The following HSP90B1 variants were observed in gnomAD, a reference collection of about 807,000 sequenced individuals.
HSP90B1 encodes endoplasmin.
In HSP90B1, 27 loss-of-function variants were observed where a neutral mutation model predicts 100.4. The observed-to-expected ratio is 0.27, with a 90% CI of 0.20 to 0.37. HSP90B1 has a LOEUF of 0.37. Ranked by LOEUF, HSP90B1 falls within the 10% of genes least tolerant of loss-of-function variation. The pLI is 1.00. For synonymous variants in HSP90B1, 304 were observed against 330.8 expected, an observed-to-expected ratio of 0.92 and a Z score of 0.88; for missense variants, 678 against 960.5, an observed-to-expected ratio of 0.71 and a Z score of 3.89.
chr12:103,938,501 T>G (rs942259361), intron 7 of HSP90B1, 42 bp downstream of exon 7: 4 of 1,579,984 alleles, frequency 2.5e-6, no homozygotes, highest in Non-Finnish European at 3.4e-6. Flanking sequence ...TTGTTTAACA[T>G]GTATAGGCAA....
At chr12:103,944,433 T>C (rs1426820961) in intron 14 of HSP90B1, among the ~76,000 whole-genome samples, 2 of 152,230 alleles carry the variant, frequency 1.3e-5, no homozygotes, top group African/African-American at 4.8e-5. Context: ...TATGTTTTAA[T>C]GTCACAGCAA....
At chr12:103,934,990 C>T (rs986815633) in intron 5 of HSP90B1, among the ~76,000 whole-genome samples, 13 of 152,182 alleles carry the variant, frequency 8.5e-5, no homozygotes, top group South Asian at 2.1e-4. Flanking sequence ...CATGAGCTAC[C>T]GTGCCCAGCC....
rs1347391453 is a variant in HSP90B1 at position 103,941,563 on chromosome 12, G to A, written c.1230+16G>A. The A allele has an allele frequency of 1.2e-6, 2 of 1,614,008 alleles. No homozygotes were observed. The highest frequency in any genetic ancestry group is 1.1e-5 in the South Asian group (1 of 91,072). On this transcript the variant is annotated intron_variant, in intron 9 of 17. Coordinates refer to ENST00000299767, the MANE Select transcript of HSP90B1 (RefSeq NM_003299.3). ...TTACATTAAGGTGAGTTTTTAAGTA[G>A]TACATGCTGCGTTTAAAATTTGAAA...
At position 103,947,360 on chromosome 12, in the gene HSP90B1, C is replaced by T. The variant is rs781442255; in HGVS notation, c.2312C>T (p.Thr771Ile). Residue 771 changes from threonine to isoleucine, a missense_variant, in exon 17 of 18, where the codon ACA becomes ATA. Transcript: ENST00000299767. The stretch of plus-strand genomic sequence containing the variant: ...CCTGAAGAGACAGCAGAAGACACAA[C>T]AGAAGACACAGAGCAAGACGAAGAT... ...EEPEETAEDT[T>I]EDTEQDEDEE... 3.1e-6 allele frequency: 5 copies of T among 1,606,594 alleles called. No individual in the cohort carries two copies. The highest frequency in any genetic ancestry group is 4.3e-6 in the Non-Finnish European group (5 of 1,173,788).
At chr12:103,939,867 T>C (rs934925564) in intron 8 of HSP90B1, among the ~76,000 whole-genome samples, 5 of 152,206 alleles carry the variant, frequency 3.3e-5, no homozygotes, top group Non-Finnish European at 7.4e-5. Context: ...TCAGTAGAGA[T>C]GGTCTTTGAG....
chr12:103,943,873 A>G lies in HSP90B1; in HGVS notation c.2026A>G (p.Asn676Asp), dbSNP rs1870150251. 1 of 1,612,604 alleles carries G rather than the reference A, an allele frequency of 6.2e-7. No individual in the cohort carries two copies. The highest frequency in any genetic ancestry group is 8.5e-7 in the Non-Finnish European group (1 of 1,179,416). ...AYQTGKDISTNYYASQKKTFE... is the reference protein window; with the variant it reads ...AYQTGKDISTDYYASQKKTFE... ...CCAAACGGGCAAGGACATCTCTACAAAGTAAGCATCCTCGGGAAAGTCCCT... is the reference window on the plus strand; with the variant it reads ...CCAAACGGGCAAGGACATCTCTACAGAGTAAGCATCCTCGGGAAAGTCCCT... Residue 676 changes from asparagine (N) to aspartate (D), a missense_variant and splice_region_variant, in exon 14 of 18, where the codon AAT (asparagine) becomes GAT (aspartate). Physicochemically the swap from Asn to Asp is conservative, Grantham distance 23 (BLOSUM62 1). This residue lies in a region of HSP90B1 where 64 missense variants were observed against 66.4 expected (regional missense o/e 0.96). Coordinates refer to ENST00000299767, the MANE Select transcript of HSP90B1 (RefSeq NM_003299.3). This position sits in a 1 kb window ranked among gnomAD's most constrained non-coding sequence, Gnocchi z 5.3.
rs1870114627 is a variant in HSP90B1 at position 103,942,749 on chromosome 12, G to A, written c.1597G>A (p.Glu533Lys). The change falls in exon 12 of 18, where the codon GAA (glutamate) becomes AAA (lysine). Residue 533 changes from glutamate to lysine, a missense_variant. Around this residue, in one of 8 missense-constraint regions of HSP90B1, gnomAD observed 170 missense variants for 236.7 expected, o/e 0.72. Coordinates refer to ENST00000299767, the MANE Select transcript of HSP90B1 (RefSeq NM_003299.3). ...SLDQYVERMK[E>K]KQDKIYFMAG... Reference sequence around the variant, plus strand: ...AGACCAGTATGTGGAAAGAATGAAGGAAAAACAAGACAAAATCTACTTCAT... The same window carrying A: ...AGACCAGTATGTGGAAAGAATGAAGAAAAAACAAGACAAAATCTACTTCAT... 3.7e-6 allele frequency: 6 copies of A among 1,613,832 alleles called. No individual in the cohort carries two copies. The highest frequency in any genetic ancestry group is 1.7e-4 in the Middle Eastern group (1 of 6,056).
chr12:103,946,432 C>T (rs1271527666), intron 14 of HSP90B1, among the ~76,000 whole-genome samples, 186 bp from the exon 15 acceptor site: 3 of 147,040 alleles, frequency 2.0e-5, no homozygotes, highest in Admixed American at 7.0e-5. Context: ...ATACGGAGGG[C>T]GGACTGTATT....
rs1373806102 is a variant in HSP90B1 at position 103,930,555 on chromosome 12, C to T, written c.40C>T (p.Leu14=). The T allele has an allele frequency of 2.5e-6, 4 of 1,609,986 alleles. No individual in the cohort carries two copies. Among genetic ancestry groups the T allele is most frequent in the Non-Finnish European group, 3.4e-6 (4 of 1,178,620 alleles). ...GGTGCTGGGCCTCTGCTGCGTCCTG[C>T]TGACCTTCGGTGAGTGATTCTGGAG... ...LWVLGLCCVL[L]TFGSVRADDE... is the part of the protein sequence containing the mutation. Residue 14 remains leucine, a synonymous_variant, in exon 1 of 18, where the codon CTG becomes TTG. Transcript: ENST00000299767. This position sits in a 1 kb window ranked among gnomAD's most constrained non-coding sequence, Gnocchi z 4.4.
Position 103,931,577 on chromosome 12 carries a change from G to A in HSP90B1, c.106G>A (p.Gly36Ser). ...DVDGTVEEDL[G>S]KSREGSRTDD... is the part of the protein sequence containing the mutation. ...GGATGGTACAGTAGAAGAGGATCTG[G>A]GTAAAAGTAGAGAAGGATCAAGGAC... is the stretch of plus-strand genomic sequence containing the variant. Residue 36 changes from glycine (G) to serine (S), a missense_variant, in exon 2 of 18, where the codon GGT (glycine) becomes AGT (serine). Coordinates refer to ENST00000299767, the MANE Select transcript of HSP90B1 (RefSeq NM_003299.3). 1 of 1,613,782 alleles carries A rather than the reference G, an allele frequency of 6.2e-7. No individual in the cohort carries two copies. The highest frequency in any genetic ancestry group is 8.5e-7 in the Non-Finnish European group (1 of 1,179,750).
Position 103,942,636 on chromosome 12 carries a change from G to T in HSP90B1, c.1484G>T (p.Gly495Val). 1 of 1,614,030 alleles carries T rather than the reference G, an allele frequency of 6.2e-7. No homozygotes were observed. Among genetic ancestry groups the T allele is most frequent in the Non-Finnish European group, 8.5e-7 (1 of 1,179,910 alleles). ...WKEFGTNIKL[G>V]VIEDHSNRTR... is the part of the protein sequence containing the mutation. The stretch of plus-strand genomic sequence containing the variant: ...GAATTTGGTACCAACATCAAGCTTG[G>T]TGTGATTGAAGACCACTCGAATCGA... Residue 495 changes from glycine to valine, a missense_variant, in exon 12 of 18, where the codon GGT (glycine) becomes GTT (valine). By Grantham distance (109) the Gly-to-Val change is moderately radical (BLOSUM62 -3). Coordinates refer to ENST00000299767, the MANE Select transcript of HSP90B1 (RefSeq NM_003299.3).
intron 5 of HSP90B1, among the ~76,000 whole-genome samples, chr12:103,936,153 T>G (rs1469158440): frequency 6.6e-6 from 1 of 152,206 alleles, no homozygotes; most frequent in Non-Finnish European, 1.5e-5. Context: ...CATCTCTAGT[T>G]CTCAAATTTA....
At position 103,947,448 on chromosome 12, in the gene HSP90B1, T is replaced by C. The variant is rs1324247412; in HGVS notation, c.2382+18T>C. The C allele has an allele frequency of 6.2e-7, 1 of 1,614,112 alleles. No individual in the cohort carries two copies. The highest frequency in any genetic ancestry group is 1.7e-5 in the Admixed American group (1 of 60,014). On this transcript the variant is annotated intron_variant, in intron 17 of 17. Transcript: ENST00000299767. ...CAGCAAAGGTATGGCAAATCAAGAA[T>C]GTGACTTGCATTTTCAGTTCTGGCA...
intron 6 of HSP90B1, 39 bp from the exon 7 acceptor site, chr12:103,938,301 A>T: frequency 6.6e-7 from 1 of 1,505,324 alleles, no homozygotes; most frequent in Non-Finnish European, 8.9e-7. Context: ...CAGAATTGTT[A>T]AACAAATGAG....
Position 103,939,513 on chromosome 12 carries a change from A to T in HSP90B1, c.980A>T (p.Glu327Val). The T allele has an allele frequency of 6.5e-7, 1 of 1,527,006 alleles. No individual in the cohort carries two copies. Among genetic ancestry groups the T allele is most frequent in the Non-Finnish European group, 8.9e-7 (1 of 1,128,142 alleles). 94.6% of individuals were successfully genotyped at this position (1,527,006 alleles called of 1,614,324 possible). ...CAAATACTATAATAACTTCAGGTTG[A>T]AAAAACTGTCTGGGACTGGGAACTT... The part of the protein sequence containing the change: ...EEKKPKTKKV[E>V]KTVWDWELMN... Residue 327 changes from glutamate (E) to valine (V), a missense_variant, in exon 8 of 18, where the codon GAA becomes GTA. By Grantham distance (121) the Glu-to-Val change is moderately radical. This residue lies in a region of HSP90B1 where 238 missense variants were observed against 346.7 expected (regional missense o/e 0.69). Transcript: ENST00000299767.
chr12:103,945,118 C>T (rs1467179937), intron 14 of HSP90B1, among the ~76,000 whole-genome samples: 1 of 152,162 alleles, frequency 6.6e-6, no homozygotes, highest in Admixed American at 6.5e-5. Context: ...GTAGACATAA[C>T]TCCTGTCTTT....
At chr12:103,947,018 T>C (rs1168158653) in intron 16 of HSP90B1, 77 bp downstream of exon 16, 6 of 1,451,022 alleles carry the variant, frequency 4.1e-6, no homozygotes, top group Non-Finnish European at 5.6e-6. Flanking sequence ...CCTCTCATGA[T>C]TGAGGGATGT....
intron 4 of HSP90B1, 67 bp downstream of exon 4, chr12:103,933,009 C>CTTGACTGATAGGG: frequency 2.4e-6 from 2 of 845,496 alleles, no homozygotes; most frequent in Non-Finnish European, 4.0e-6. Flanking sequence ...GGATCCCTAT[C>CTTGACTGATAGGG]AGTCAAGATA....
chr12:103,946,089 T>C (rs1870218680), intron 14 of HSP90B1, among the ~76,000 whole-genome samples: 1 of 152,220 alleles, frequency 6.6e-6, no homozygotes, highest in East Asian at 1.9e-4. Context: ...AAATAATCTA[T>C]AGATTACTTT....
Sources: allele counts gnomAD v4.1 joint callset (sites outside exome capture counted in the v4.1 genomes callset), GRCh38; gene constraint gnomAD v4.1.1; regional missense constraint gnomAD v4.1.1; non-coding constraint Gnocchi (gnomAD v3.1); transcripts MANE v1.5; gene names NCBI Gene and HGNC (gene_info 2026-07-23, HGNC 2026-07-21).